The following ABCC4 variants were observed in gnomAD, a reference collection of about 807,000 sequenced individuals.
The protein encoded by ABCC4 is ATP binding cassette subfamily C member 4 (PEL blood group).
In ABCC4, 102 loss-of-function variants were observed where a neutral mutation model predicts 168.5. That is an observed-to-expected ratio of 0.61 (90% confidence interval 0.52 to 0.71). The LOEUF (loss-of-function observed/expected upper bound fraction) is 0.71, where lower values mean the gene tolerates loss of function less well. ABCC4 is among the 30% of genes least tolerant of loss of function. The probability of loss-of-function intolerance (pLI) is 0.00; values close to 1 mark genes in which losing one functional copy is unlikely to be tolerated. For missense variants in ABCC4, 1,402 were observed against 1,605.8 expected (o/e 0.87, Z 2.17); for synonymous variants, 617 against 590.7 (o/e 1.04, Z -0.65).
chr13:95,081,219 G>A lies in ABCC4; in HGVS notation c.2686+1921C>T, dbSNP rs541775057. Among the ~76,000 whole-genome samples, 21 of 149,972 alleles carry A rather than the reference G, an allele frequency of 1.4e-4. No individual in the cohort carries two copies. In the South Asian group the frequency reaches 4.2e-3, roughly 30 times the overall value. On this transcript the variant is annotated intron_variant, in intron 21 of 30. Coordinates refer to ENST00000645237, the MANE Select transcript of ABCC4 (RefSeq NM_005845.5). ...CTTTAAGGTACATGCTGAAATTCAAGAGAGAAAATCCTACACTGCTTCCCA... is the reference window on the plus strand; with the variant it reads ...CTTTAAGGTACATGCTGAAATTCAAAAGAGAAAATCCTACACTGCTTCCCA...
At chr13:95,127,688 T>C (rs1041909711) in intron 19 of ABCC4, among the ~76,000 whole-genome samples, 6 of 152,134 alleles carry the variant, frequency 3.9e-5, no homozygotes, top group South Asian at 2.1e-4. Flanking sequence ...CAGAACTCTA[T>C]CCCCTCAGTG....
At chr13:95,124,887 AT>A (rs1016803539) in intron 19 of ABCC4, among the ~76,000 whole-genome samples, 2 of 151,140 alleles carry the variant, frequency 1.3e-5, no homozygotes, top group African/African-American at 4.8e-5. Context: ...CAAAAAAAAA[AT>A]AAAATAAAAT....
intron 21 of ABCC4, among the ~76,000 whole-genome samples, chr13:95,081,547 C>T (rs1205556464): frequency 1.3e-5 from 2 of 152,222 alleles, no homozygotes; most frequent in Admixed American, 1.3e-4. Flanking sequence ...GTGTTACTCA[C>T]ATGTGGACTC....
At chr13:95,169,639 A>G (rs1594225152) in intron 14 of ABCC4, among the ~76,000 whole-genome samples, 2 of 151,342 alleles carry the variant, frequency 1.3e-5, no homozygotes, top group South Asian at 2.1e-4. Flanking sequence ...AGGCAACCCC[A>G]CCCCTCCATT....
Position 95,188,440 on chromosome 13 carries a change from C to T in ABCC4, c.1353+13G>A. ...GGGGTTGCAACAAGCTGCCAAAAGC[C>T]ATTCTAACTCACCTTCCCTGCTCCC... is the stretch of plus-strand genomic sequence containing the variant. On this transcript the variant is annotated intron_variant, in intron 10 of 30. Coordinates refer to ENST00000645237, the MANE Select transcript of ABCC4 (RefSeq NM_005845.5). The T allele has an allele frequency of 6.2e-7, 1 of 1,613,790 alleles. No homozygotes were observed. The highest frequency in any genetic ancestry group is 8.5e-7 in the Non-Finnish European group (1 of 1,179,682).
chr13:95,221,044 A>C (rs2039297992), intron 4 of ABCC4, among the ~76,000 whole-genome samples: 1 of 152,178 alleles, frequency 6.6e-6, no homozygotes, highest in Admixed American at 6.5e-5. Flanking sequence ...TAAACCCCAA[A>C]ATTAAATTTA....
chr13:95,121,364 T>C (rs1020492373), intron 19 of ABCC4, among the ~76,000 whole-genome samples: 1 of 152,114 alleles, frequency 6.6e-6, no homozygotes, highest in Non-Finnish European at 1.5e-5. Context: ...TGTAGGATTA[T>C]AGAGCTTAAA....
intron 3 of ABCC4, among the ~76,000 whole-genome samples, chr13:95,240,110 C>T (rs2039889629): frequency 6.6e-6 from 1 of 152,134 alleles, no homozygotes; most frequent in African/African-American, 2.4e-5. Flanking sequence ...CTACTAACTT[C>T]TGGTACCAGA....
rs1024339933 is a variant in ABCC4 at position 95,300,744 on chromosome 13, C to A, written c.74+497G>T. The stretch of plus-strand genomic sequence containing the variant: ...GTCCAGGACACTAATTAGGCTTTGG[C>A]TGAGATCAGATAAAGGAAACTGTTC... On this transcript the variant is annotated intron_variant, in intron 1 of 30. Coordinates refer to ENST00000645237, the MANE Select transcript of ABCC4 (RefSeq NM_005845.5). 2.0e-5 allele frequency among the ~76,000 whole-genome samples: 3 copies of A among 152,122 alleles called. No homozygotes were observed. In the South Asian group the frequency reaches 6.2e-4, roughly 32 times the overall value.
At chr13:95,187,900 A>C (rs1012389598) in intron 10 of ABCC4, among the ~76,000 whole-genome samples, 1 of 152,182 alleles carries the variant, frequency 6.6e-6, no homozygotes, top group Admixed American at 6.5e-5. Flanking sequence ...CTGAACTGAA[A>C]TCACCTGTTT....
At chr13:95,091,337 A>G (rs920788963) in intron 20 of ABCC4, among the ~76,000 whole-genome samples, 5 of 152,166 alleles carry the variant, frequency 3.3e-5, no homozygotes, top group African/African-American at 9.6e-5. Context: ...ACCTAGGTGC[A>G]CTGTCATCAG....
intron 20 of ABCC4, among the ~76,000 whole-genome samples, chr13:95,095,609 G>C (rs1384493284): frequency 6.6e-6 from 1 of 152,026 alleles, no homozygotes; most frequent in African/African-American, 2.4e-5. Flanking sequence ...TGGGTGATGG[G>C]TGCACCAAAA....
chr13:95,284,194 GGGGTTTTTTTGAGACA>G (rs1275409164), intron 1 of ABCC4, among the ~76,000 whole-genome samples: 6 of 151,894 alleles, frequency 4.0e-5, no homozygotes, highest in African/African-American at 1.5e-4. Context: ...GTTGTTTTTT[GGGGTTTTTTTGAGACA>G]GGGTCTCACT....
intron 4 of ABCC4, among the ~76,000 whole-genome samples, chr13:95,211,790 G>A (rs1202562284): frequency 3.9e-5 from 6 of 152,220 alleles, no homozygotes; most frequent in African/African-American, 9.6e-5. Flanking sequence ...ATGAGTTGCC[G>A]CTGGAATAAC....
At chr13:95,081,989 C>T (rs887613764) in intron 21 of ABCC4, among the ~76,000 whole-genome samples, 1 of 152,044 alleles carries the variant, frequency 6.6e-6, no homozygotes, top group Non-Finnish European at 1.5e-5. Context: ...GACAGCAAGA[C>T]TCCATCTCAA....
chr13:95,294,992 A>G (rs1229606140), intron 1 of ABCC4, among the ~76,000 whole-genome samples: 1 of 152,096 alleles, frequency 6.6e-6, no homozygotes, highest in Non-Finnish European at 1.5e-5. Context: ...TAAAATAAAA[A>G]TAAGGCACTC....
chr13:95,048,939 T>G (rs2032709342), intron 27 of ABCC4, among the ~76,000 whole-genome samples: 1 of 152,234 alleles, frequency 6.6e-6, no homozygotes, highest in Non-Finnish European at 1.5e-5. Flanking sequence ...GAGTTGCTCT[T>G]ATTTAGGGGC....
chr13:95,198,473 G>A (rs1473792878), intron 8 of ABCC4, among the ~76,000 whole-genome samples: 1 of 152,182 alleles, frequency 6.6e-6, no homozygotes, highest in African/African-American at 2.4e-5. Flanking sequence ...TGCTGGAGAG[G>A]ATGTGGAGAA....
At chr13:95,265,043 A>AT in intron 1 of ABCC4, among the ~76,000 whole-genome samples, 1 of 151,976 alleles carries the variant, frequency 6.6e-6, no homozygotes, top group South Asian at 2.1e-4. Context: ...TAATTTTTGT[A>AT]TTTTTAGCAG....
Sources: allele counts gnomAD v4.1 joint callset (sites outside exome capture counted in the v4.1 genomes callset), GRCh38; gene constraint gnomAD v4.1.1; transcripts MANE v1.5; gene names NCBI Gene and HGNC (gene_info 2026-07-23, HGNC 2026-07-21).